ADAM7: variants seen among roughly 807,000 people sequenced by gnomAD.
ADAM7 encodes the protein ADAM metallopeptidase domain 7, also known as disintegrin and metalloproteinase domain-containing protein 7.
Under a neutral mutation model 102.9 loss-of-function variants are expected in ADAM7, and 97 were observed. The observed-to-expected ratio is 0.94, with a 90% CI of 0.80 to 1.12. The LOEUF (loss-of-function observed/expected upper bound fraction) is 1.12, where lower values mean the gene tolerates loss of function less well. Among genes scored for constraint, ADAM7 ranks in the 50% most tolerant of loss-of-function variants. ADAM7 has a pLI of 0.00. For missense variants in ADAM7, 991 were observed against 908.7 expected, an observed-to-expected ratio of 1.09 and a Z score of -1.16; for synonymous variants, 334 against 304.4, an observed-to-expected ratio of 1.10 and a Z score of -1.01.
intron 9 of ADAM7, among the ~76,000 whole-genome samples, chr8:24,483,815 C>T (rs1820042780): frequency 6.6e-6 from 1 of 152,130 alleles, no homozygotes; most frequent in South Asian, 2.1e-4. Flanking sequence ...ATAAATAAAA[C>T]CAAAAGTATT....
chr8:24,464,874 C>A (rs1819373455), intron 4 of ADAM7, among the ~76,000 whole-genome samples: 1 of 126,952 alleles, frequency 7.9e-6, no homozygotes. Context: ...GCAACCTCCG[C>A]CTCCCAGGTT....
At chr8:24,481,095 CAATT>C (rs2129387981) in intron 8 of ADAM7, among the ~76,000 whole-genome samples, 1 of 143,516 alleles carries the variant, frequency 7.0e-6, no homozygotes, top group East Asian at 2.1e-4. Flanking sequence ...AACAAACAAA[CAATT>C]CAGGGCCAAG....
At chr8:24,474,209 G>A (rs903879710) in intron 7 of ADAM7, among the ~76,000 whole-genome samples, 2 of 152,042 alleles carry the variant, frequency 1.3e-5, no homozygotes, top group African/African-American at 4.8e-5. Context: ...ATTAACCTAT[G>A]AACAAAATTT....
chr8:24,490,294 T>C (rs1820297353), intron 12 of ADAM7: 1 of 153,324 alleles, frequency 6.5e-6, no homozygotes, highest in South Asian at 2.0e-4. Flanking sequence ...TTCTAACACA[T>C]GAGGTACCTT....
At chr8:24,494,204 A>C (rs1820477724) in intron 16 of ADAM7, among the ~76,000 whole-genome samples, 2 of 152,212 alleles carry the variant, frequency 1.3e-5, no homozygotes, top group African/African-American at 2.4e-5. Flanking sequence ...AATGTAAAAA[A>C]AAGAACTAGA....
intron 3 of ADAM7, among the ~76,000 whole-genome samples, chr8:24,462,496 T>C (rs993521234): frequency 8.5e-5 from 13 of 152,204 alleles, no homozygotes; most frequent in African/African-American, 3.1e-4. Context: ...CTTCATCTTA[T>C]GCTGTGCCTT....
intron 12 of ADAM7, 37 bp from the exon 13 acceptor site, chr8:24,490,762 T>C (rs769233633): frequency 1.3e-6 from 2 of 1,597,196 alleles, no homozygotes; most frequent in East Asian, 2.2e-5. Context: ...TCAGAGTACA[T>C]ACCAATTTCT....
At chr8:24,451,395 G>A (rs1327774774) in intron 3 of ADAM7, among the ~76,000 whole-genome samples, 11 of 152,192 alleles carry the variant, frequency 7.2e-5, no homozygotes, top group African/African-American at 2.4e-4. Context: ...TATGTGTCAA[G>A]GAATTTACCC....
In ADAM7 at chr8:24,493,207, G is replaced by A; in HGVS notation, c.1820G>A (p.Gly607Glu). Residue 607 changes from glycine (G) to glutamate (E), a missense_variant, in exon 16 of 22, where the codon GGA (glycine) becomes GAA (glutamate). Transcript: ENST00000175238. ...DSTDIGLVAS[G>E]TKCGEGMVCN... ...ACAGACATTGGCCTGGTGGCGTCAG[G>A]AACAAAATGTGGAGAGGGAATGGTA... The A allele has an allele frequency of 6.2e-7, 1 of 1,605,428 alleles. No individual in the cohort carries two copies. Among genetic ancestry groups the A allele is most frequent in the African/African-American group, 1.3e-5 (1 of 74,496 alleles).
chr8:24,492,502 A>G lies in ADAM7; in HGVS notation c.1560A>G (p.Ile520Met), dbSNP rs755797579. 1 of 1,604,974 alleles carries G rather than the reference A, an allele frequency of 6.2e-7. No individual in the cohort carries two copies. The highest frequency in any genetic ancestry group is 1.4e-5 in the African/African-American group (1 of 73,500). ...TACCATTTTTTACCCCAGAGGCAAT[A>G]GAGAGTCATGATATCTGCTACAAGA... The part of the protein sequence containing the change: ...QCSELFDDEA[I>M]ESHDICYKMN... Residue 520 changes from isoleucine to methionine, a missense_variant, in exon 15 of 22, where the codon ATA becomes ATG. Ile to Met is a conservative substitution (Grantham distance 10). Coordinates refer to ENST00000175238, the MANE Select transcript of ADAM7 (RefSeq NM_003817.4).
At chr8:24,463,763 G>T in intron 3 of ADAM7, 119 bp from the exon 4 acceptor site, 1 of 740,418 alleles carries the variant, frequency 1.4e-6, no homozygotes, top group Non-Finnish European at 2.2e-6. Context: ...TATTTCTAGC[G>T]GAAGAGGATC....
intron 10 of ADAM7, among the ~76,000 whole-genome samples, chr8:24,486,614 T>A (rs1820152870): frequency 6.6e-6 from 1 of 152,134 alleles, no homozygotes; most frequent in Admixed American, 6.5e-5. Flanking sequence ...GGCTAGGAAA[T>A]CCAAGATTAA....
In ADAM7 at chr8:24,468,103, T is replaced by A. The variant is rs1433208603; in HGVS notation, c.580-664T>A. ...AATAAAAATAAATTTAAAAAAAAGA[T>A]CTATGATTAGCAAAATTTGTACATG... On this transcript the variant is annotated intron_variant, in intron 6 of 21. Transcript: ENST00000175238. Among the ~76,000 whole-genome samples, 8 of 151,782 alleles carry A rather than the reference T, an allele frequency of 5.3e-5. No homozygotes were observed. In the East Asian group the frequency reaches 1.5e-3, roughly 29 times the overall value.
chr8:24,498,427 AT>A (rs1256137699), intron 16 of ADAM7, among the ~76,000 whole-genome samples: 1 of 151,584 alleles, frequency 6.6e-6, no homozygotes, highest in Non-Finnish European at 1.5e-5. Context: ...ATCTTTAGAA[AT>A]TAGCATATAT....
chr8:24,464,064 A>G (rs1252754422), intron 4 of ADAM7, 104 bp downstream of exon 4: 5 of 975,614 alleles, frequency 5.1e-6, no homozygotes, highest in East Asian at 2.5e-5. Flanking sequence ...AAAGTACTAC[A>G]TCAGAAATAA....
intron 9 of ADAM7, among the ~76,000 whole-genome samples, chr8:24,484,047 G>C (rs979765488): frequency 6.6e-6 from 1 of 152,074 alleles, no homozygotes; most frequent in Non-Finnish European, 1.5e-5. Context: ...AGTATATATG[G>C]CATTATCATG....
chr8:24,447,113 C>T, intron 2 of ADAM7, 73 bp from the exon 3 acceptor site: 2 of 753,900 alleles, frequency 2.7e-6, no homozygotes, highest in Admixed American at 5.6e-5. Context: ...GAACATTCAC[C>T]CAAAGCACTA....
At chr8:24,507,132 T>C (rs1820977362) in intron 20 of ADAM7, among the ~76,000 whole-genome samples, 1 of 152,038 alleles carries the variant, frequency 6.6e-6, no homozygotes. Flanking sequence ...TTTACTGAGA[T>C]TCCAACAGAG....
At chr8:24,452,543 T>C (rs1818839288) in intron 3 of ADAM7, among the ~76,000 whole-genome samples, 1 of 151,944 alleles carries the variant, frequency 6.6e-6, no homozygotes, top group African/African-American at 2.4e-5. Flanking sequence ...CCTATGTGTG[T>C]CTCTGCACGT....
Sources: gnomAD v4.1 joint callset for allele counts (sites outside exome capture counted in the v4.1 genomes callset) on GRCh38, gnomAD v4.1.1 for gene constraint, MANE v1.5 for transcripts, NCBI Gene and HGNC (gene_info 2026-07-23, HGNC 2026-07-21) for gene names.